NRXN3: variants seen among roughly 807,000 people sequenced by gnomAD.
The protein encoded by NRXN3 is neurexin 3, also known as neurexin III.
A neutral mutation model predicts 137.6 loss-of-function variants in NRXN3; 32 were observed. That is an observed-to-expected ratio of 0.23 (90% CI 0.18 to 0.31). The LOEUF (loss-of-function observed/expected upper bound fraction) is 0.31. NRXN3 is among the 10% of genes least tolerant of loss of function. The pLI is 1.00. For missense variants in NRXN3, 1,574 were observed against 2,062.5 expected, an observed-to-expected ratio of 0.76 and a Z score of 4.59; for synonymous variants, 798 against 784.5, an observed-to-expected ratio of 1.02 and a Z score of -0.29.
At chr14:79,745,735 G>A (rs373512248) in intron 19 of NRXN3, among the ~76,000 whole-genome samples, 2 of 151,882 alleles carry the variant, frequency 1.3e-5, no homozygotes, top group Admixed American at 6.6e-5. Flanking sequence ...TCAAAACAAG[G>A]TGTCAGCAGA....
At chr14:78,508,941 C>T (rs1468714309) in intron 4 of NRXN3, among the ~76,000 whole-genome samples, 1 of 152,126 alleles carries the variant, frequency 6.6e-6, no homozygotes. Flanking sequence ...GTATTCAGTA[C>T]TATAATGTAG....
chr14:79,194,233 G>T (rs901686015), intron 15 of NRXN3, among the ~76,000 whole-genome samples: 2 of 152,146 alleles, frequency 1.3e-5, no homozygotes, highest in African/African-American at 4.8e-5. Context: ...TTCAGTGATT[G>T]CTCAGGTTAT....
intron 15 of NRXN3, among the ~76,000 whole-genome samples, chr14:79,144,323 T>G (rs2059094141): frequency 6.6e-6 from 1 of 152,126 alleles, no homozygotes; most frequent in East Asian, 1.9e-4. Context: ...TTGCTAAAGG[T>G]TTTTAGTGCA....
intron 4 of NRXN3, among the ~76,000 whole-genome samples, chr14:78,489,175 G>A (rs1010437519): frequency 1.3e-5 from 2 of 152,178 alleles, no homozygotes; most frequent in Non-Finnish European, 2.9e-5. Flanking sequence ...TCTCTCCAGG[G>A]ACGCTGATGA....
chr14:78,942,782 C>T (rs930497744), intron 10 of NRXN3, among the ~76,000 whole-genome samples: 1 of 152,068 alleles, frequency 6.6e-6, no homozygotes, highest in Admixed American at 6.6e-5. Context: ...GTTCCCCAAA[C>T]AACTAATGAT....
intron 20 of NRXN3, among the ~76,000 whole-genome samples, chr14:79,820,966 T>C (rs927644130): frequency 2.0e-5 from 3 of 152,094 alleles, no homozygotes; most frequent in Non-Finnish European, 4.4e-5. Context: ...TGGTGTGGTT[T>C]TGTGCCTGGA....
chr14:79,241,654 A>C (rs1314358652), intron 15 of NRXN3, among the ~76,000 whole-genome samples: 1 of 152,204 alleles, frequency 6.6e-6, no homozygotes, highest in Non-Finnish European at 1.5e-5. Flanking sequence ...GCCAAACCAT[A>C]TCAGTGGCAA....
chr14:78,402,644 AG>A (rs2092180663), intron 4 of NRXN3, among the ~76,000 whole-genome samples: 1 of 152,180 alleles, frequency 6.6e-6, no homozygotes, highest in African/African-American at 2.4e-5. Flanking sequence ...AGTAGAGCTG[AG>A]CAGTTGAAGT....
At chr14:78,491,936 A>C (rs984537243) in intron 4 of NRXN3, among the ~76,000 whole-genome samples, 1 of 152,170 alleles carries the variant, frequency 6.6e-6, no homozygotes, top group Non-Finnish European at 1.5e-5. Context: ...GATATTGCAG[A>C]AAGAATGTGA....
chr14:79,079,306 G>A (rs1301932029), intron 15 of NRXN3, among the ~76,000 whole-genome samples: 3 of 152,060 alleles, frequency 2.0e-5, no homozygotes, highest in Non-Finnish European at 4.4e-5. Flanking sequence ...TTAGAAAACT[G>A]TCATAGTAAA....
chr14:79,459,701 A>G (rs2153601072), intron 15 of NRXN3, among the ~76,000 whole-genome samples: 1 of 152,188 alleles, frequency 6.6e-6, no homozygotes, highest in African/African-American at 2.4e-5. Flanking sequence ...GTATACTAAG[A>G]TATATAATAA....
At chr14:78,521,593 T>C (rs375463139) in intron 4 of NRXN3, among the ~76,000 whole-genome samples, 24 of 152,216 alleles carry the variant, frequency 1.6e-4, no homozygotes, top group East Asian at 1.5e-3. Context: ...ATTAATTATT[T>C]TGGGGGATGG....
intron 15 of NRXN3, among the ~76,000 whole-genome samples, chr14:79,159,416 G>T (rs2060549768): frequency 6.6e-6 from 1 of 151,758 alleles, no homozygotes; most frequent in Non-Finnish European, 1.5e-5. Context: ...TGAAAAGTTT[G>T]CTCAACTTTA....
intron 4 of NRXN3, among the ~76,000 whole-genome samples, chr14:78,513,278 T>C (rs1416210043): frequency 6.6e-6 from 1 of 152,178 alleles, no homozygotes; most frequent in Non-Finnish European, 1.5e-5. Flanking sequence ...ACACGATAGG[T>C]ACTTATTAGA....
chr14:78,314,891 TTC>T (rs369074761), intron 4 of NRXN3, among the ~76,000 whole-genome samples: 29,841 of 80,218 alleles, frequency 0.37, 5,612 homozygotes, highest in Middle Eastern at 0.46. Context: ...CTTTCTTTCT[TTC>T]TCTTTCTTTC....
At chr14:78,490,340 C>T (rs1404658844) in intron 4 of NRXN3, among the ~76,000 whole-genome samples, 1 of 152,158 alleles carries the variant, frequency 6.6e-6, no homozygotes, top group Non-Finnish European at 1.5e-5. Flanking sequence ...ACCTTATGCA[C>T]AGTGGGCATA....
chr14:78,304,966 G>A (rs565170117), intron 4 of NRXN3, among the ~76,000 whole-genome samples: 2 of 152,344 alleles, frequency 1.3e-5, no homozygotes, highest in Admixed American at 6.5e-5. Flanking sequence ...ACACACCTGC[G>A]TGCCAGATGA....
chr14:78,231,866 A>C (rs1236988009), intron 1 of NRXN3, among the ~76,000 whole-genome samples: 1 of 152,186 alleles, frequency 6.6e-6, no homozygotes, highest in African/African-American at 2.4e-5. Context: ...GTGCTGGAAG[A>C]ACTGTGTAGC....
At chr14:79,553,305 G>A (rs2097394540) in intron 16 of NRXN3, among the ~76,000 whole-genome samples, 1 of 151,976 alleles carries the variant, frequency 6.6e-6, no homozygotes, top group Non-Finnish European at 1.5e-5. Context: ...AGGGAGGGAA[G>A]GGGAAGGGGA....
Sources: allele counts gnomAD v4.1 joint callset (sites outside exome capture counted in the v4.1 genomes callset), GRCh38; gene constraint gnomAD v4.1.1; transcripts MANE v1.5; gene names NCBI Gene and HGNC (gene_info 2026-07-23, HGNC 2026-07-21).